Variants in SLIT3 observed in about 807,000 individuals in gnomAD.
SLIT3 encodes the protein slit guidance ligand 3.
SLIT3 carries 68 observed loss-of-function variants against 184.0 expected under a neutral mutation model. The ratio of observed to expected loss-of-function variants is 0.37; its 90% CI spans 0.30 to 0.45. The LOEUF (loss-of-function observed/expected upper bound fraction) is 0.45. SLIT3 is among the 20% of genes least tolerant of loss of function. The pLI, the probability that SLIT3 is intolerant of heterozygous loss-of-function variation, is 1.00. For missense variants in SLIT3, 1,707 were observed against 2,026.0 expected (o/e 0.84, Z 3.02); for synonymous variants, 831 against 828.6 (o/e 1.00, Z -0.05).
At chr5:168,913,489 TG>T (rs1489181437) in intron 4 of SLIT3, among the ~76,000 whole-genome samples, 1 of 152,158 alleles carries the variant, frequency 6.6e-6, no homozygotes, top group Admixed American at 6.5e-5. Flanking sequence ...ATAATCTGGC[TG>T]GGCATAGTGG....
chr5:169,042,954 A>T (rs1757497191), intron 4 of SLIT3, among the ~76,000 whole-genome samples: 1 of 152,216 alleles, frequency 6.6e-6, no homozygotes, highest in African/African-American at 2.4e-5. Flanking sequence ...ATTATCCATA[A>T]AACAAAAGGG....
chr5:168,785,378 C>G lies in SLIT3; in HGVS notation c.1151+529G>C, dbSNP rs148007637. Among the ~76,000 whole-genome samples, 520 of 152,280 alleles carry G rather than the reference C, an allele frequency of 3.4e-3. 4 individuals are homozygous for G. Among genetic ancestry groups the G allele is most frequent in the Non-Finnish European group, 4.4e-3 (298 of 68,004 alleles). On this transcript the variant is annotated intron_variant, in intron 12 of 35. Transcript: ENST00000519560. Reference sequence around the variant, plus strand: ...TGAGCTTAAAATTCGAAGCAACAACCCTTCCTTTAAATTAAGTAAACACTC... The same window carrying G: ...TGAGCTTAAAATTCGAAGCAACAACGCTTCCTTTAAATTAAGTAAACACTC...
In SLIT3 at chr5:168,777,234, GCTCT is replaced by G. The variant is rs149926256; in HGVS notation, c.1152-2860_1152-2857del. Among the ~76,000 whole-genome samples the G allele has an allele frequency of 8.1e-3, 1,237 of 152,212 alleles. 21 individuals are homozygous for G. The highest frequency in any genetic ancestry group is 0.028 in the African/African-American group (1,159 of 41,524). ...GCTGCCCCCTTTAGATAGGACATAT[GCTCT>G]CTATTTGCCACAGTCCTCACTATTC... On this transcript the variant is annotated intron_variant, in intron 12 of 35. Transcript: ENST00000519560.
At chr5:169,137,305 T>TACACACACACACAC (rs747552567) in intron 4 of SLIT3, among the ~76,000 whole-genome samples, 31 of 136,108 alleles carry the variant, frequency 2.3e-4, no homozygotes, top group African/African-American at 8.1e-4. Flanking sequence ...TCTATCTACA[T>TACACACACACACAC]ACACACACAC....
chr5:169,233,903 T>G lies in SLIT3; in HGVS notation c.341+10802A>C, dbSNP rs190262414. 2.9e-4 allele frequency among the ~76,000 whole-genome samples: 44 copies of G among 152,294 alleles called. 1 individual carries two copies. The highest frequency in any genetic ancestry group is 1.1e-3 in the African/African-American group (44 of 41,560). On this transcript the variant is annotated intron_variant, in intron 3 of 35. Coordinates refer to ENST00000519560, the MANE Select transcript of SLIT3 (RefSeq NM_003062.4). ...GAAGCTATGACGGCAGGAGTCTAGTTCTGTTAGGAGAAACGTTTTCAATAT... is the reference window on the plus strand; with the variant it reads ...GAAGCTATGACGGCAGGAGTCTAGTGCTGTTAGGAGAAACGTTTTCAATAT...
intron 3 of SLIT3, among the ~76,000 whole-genome samples, chr5:169,222,658 C>T (rs6859754): frequency 0.35 from 53,191 of 152,018 alleles, 9,892 homozygotes; most frequent in Middle Eastern, 0.47. Flanking sequence ...CAAGCTATGC[C>T]GTAACTTACT....
chr5:169,178,827 A>G (rs921855100), intron 4 of SLIT3, among the ~76,000 whole-genome samples: 2 of 152,162 alleles, frequency 1.3e-5, no homozygotes, highest in African/African-American at 4.8e-5. Flanking sequence ...TGGATTAAAG[A>G]TAGTGATGAA....
chr5:169,256,278 T>C (rs1222304028), intron 1 of SLIT3, among the ~76,000 whole-genome samples: 1 of 152,206 alleles, frequency 6.6e-6, no homozygotes, highest in Non-Finnish European at 1.5e-5. Context: ...AGCAAGACCC[T>C]GTCTCTTAAA....
Position 168,777,573 on chromosome 5 carries a change from T to C in SLIT3, c.1152-3195A>G, listed in dbSNP as rs75360753. ...AGCATGGGATGTTACTTCAAATATG[T>C]AAGGCATCAAAACAACCCAGGCTGG... On this transcript the variant is annotated intron_variant, in intron 12 of 35. Transcript: ENST00000519560. Among the ~76,000 whole-genome samples, 497 of 152,246 alleles carry C rather than the reference T, an allele frequency of 3.3e-3. 2 individuals are homozygous for C. The highest frequency in any genetic ancestry group is 0.011 in the African/African-American group (474 of 41,534).
At chr5:169,258,464 C>A (rs1475651993) in intron 1 of SLIT3, among the ~76,000 whole-genome samples, 2 of 152,186 alleles carry the variant, frequency 1.3e-5, no homozygotes, top group African/African-American at 4.8e-5. Flanking sequence ...GTGGCTGAGC[C>A]CCTCTGCAAG....
intron 4 of SLIT3, among the ~76,000 whole-genome samples, chr5:168,966,627 T>A (rs1179560105): frequency 1.3e-5 from 2 of 152,218 alleles, no homozygotes; most frequent in Non-Finnish European, 2.9e-5. Flanking sequence ...ATATCTTAAA[T>A]GCATCCTCCA....
chr5:168,686,892 C>G, intron 30 of SLIT3, 87 bp downstream of exon 30: 1 of 1,531,578 alleles, frequency 6.5e-7, no homozygotes, highest in Non-Finnish European at 9.0e-7. Flanking sequence ...GGGCCTGAGT[C>G]TCCATTCTGG....
At chr5:168,880,993 T>C (rs1487163887) in intron 5 of SLIT3, among the ~76,000 whole-genome samples, 1 of 152,260 alleles carries the variant, frequency 6.6e-6, no homozygotes, top group Non-Finnish European at 1.5e-5. Flanking sequence ...CTTTGGGTCC[T>C]GCCTGACAAG....
At chr5:169,130,301 T>C (rs1307061657) in intron 4 of SLIT3, among the ~76,000 whole-genome samples, 5 of 152,204 alleles carry the variant, frequency 3.3e-5, no homozygotes, top group Non-Finnish European at 7.3e-5. Context: ...TAAACAAAAG[T>C]CATGACCTCC....
At chr5:169,112,433 A>G (rs1760446358) in intron 4 of SLIT3, among the ~76,000 whole-genome samples, 1 of 152,180 alleles carries the variant, frequency 6.6e-6, no homozygotes, top group Non-Finnish European at 1.5e-5. Context: ...GAGAGGAGAA[A>G]GCACAGTGCC....
At chr5:168,950,524 G>C (rs1000812739) in intron 4 of SLIT3, among the ~76,000 whole-genome samples, 1 of 152,178 alleles carries the variant, frequency 6.6e-6, no homozygotes, top group Non-Finnish European at 1.5e-5. Flanking sequence ...ACTCAATTCT[G>C]TTTCTAGGAA....
At chr5:168,922,756 G>A (rs1266031742) in intron 4 of SLIT3, among the ~76,000 whole-genome samples, 1 of 152,090 alleles carries the variant, frequency 6.6e-6, no homozygotes, top group Non-Finnish European at 1.5e-5. Context: ...TGTATCAACT[G>A]ATGATAAGGG....
intron 1 of SLIT3, among the ~76,000 whole-genome samples, chr5:169,282,301 G>A (rs1343232601): frequency 6.6e-6 from 1 of 152,158 alleles, no homozygotes; most frequent in Non-Finnish European, 1.5e-5. Context: ...AGATGCACAG[G>A]TCAGAAAATA....
In SLIT3 at chr5:169,077,539, AAAAAAAC is replaced by A. The variant is rs562009328; in HGVS notation, c.413+115933_413+115939del. On this transcript the variant is annotated intron_variant, in intron 4 of 35. Coordinates refer to ENST00000519560, the MANE Select transcript of SLIT3 (RefSeq NM_003062.4). ...GGGTGACAGAGTGAGACCCCGTCTCAAAAAAACAAAAAACAAAAAACAAAAAACAGTA... is the reference window on the plus strand; with the variant it reads ...GGGTGACAGAGTGAGACCCCGTCTCAAAAAAACAAAAAACAAAAAACAGTA... 4.7e-4 allele frequency among the ~76,000 whole-genome samples: 70 copies of A among 149,700 alleles called. No homozygotes were observed. The Middle Eastern group carries it at 0.01, about 22-fold the overall frequency.
Sources: allele counts gnomAD v4.1 joint callset (sites outside exome capture counted in the v4.1 genomes callset), GRCh38; gene constraint gnomAD v4.1.1; transcripts MANE v1.5; gene names NCBI Gene and HGNC (gene_info 2026-07-23, HGNC 2026-07-21).